Variants in STK3 observed in about 807,000 individuals in gnomAD.
STK3 encodes serine/threonine kinase 3, also known as serine/threonine-protein kinase 3.
Under a neutral mutation model 58.0 loss-of-function variants are expected in STK3, and 41 were observed. The ratio of observed to expected loss-of-function variants is 0.71; its 90% CI spans 0.55 to 0.92. STK3 has a LOEUF of 0.92. Among genes scored for constraint, STK3 ranks in the 40% least tolerant of loss-of-function variants. The pLI, the probability that STK3 is intolerant of heterozygous loss-of-function variation, is 0.00. For missense variants in STK3, 479 were observed against 602.7 expected (o/e 0.79, Z 2.15); for synonymous variants, 170 against 191.0 (o/e 0.89, Z 0.91).
At chr8:98,817,110 T>G (rs962299080) in intron 1 of STK3, among the ~76,000 whole-genome samples, 2 of 152,166 alleles carry the variant, frequency 1.3e-5, no homozygotes, top group Non-Finnish European at 2.9e-5. Context: ...TAAAAACGGC[T>G]AGATATGTTT....
intron 10 of STK3, among the ~76,000 whole-genome samples, chr8:98,472,645 A>T (rs1821010148): frequency 6.6e-6 from 1 of 152,164 alleles, no homozygotes; most frequent in Admixed American, 6.5e-5. Flanking sequence ...TAAATAACAC[A>T]ATTCTCTCAA....
intron 1 of STK3, among the ~76,000 whole-genome samples, chr8:98,788,163 C>T (rs186987160): frequency 1.5e-4 from 23 of 152,158 alleles, no homozygotes; most frequent in Non-Finnish European, 7.4e-5. Context: ...CAGAACTGGC[C>T]GGGCATGGTG....
intron 6 of STK3, among the ~76,000 whole-genome samples, chr8:98,665,853 G>A (rs1226875490): frequency 1.3e-5 from 2 of 152,028 alleles, no homozygotes; most frequent in Middle Eastern, 3.4e-3. Flanking sequence ...ACATGTGCCC[G>A]CCACCACGCC....
chr8:98,915,459 TATATATATATAG>T (rs1435164922), intron 1 of STK3, among the ~76,000 whole-genome samples: 1 of 134,256 alleles, frequency 7.4e-6, no homozygotes, highest in Non-Finnish European at 1.6e-5. Context: ...TATATATATA[TATATATATATAG>T]TTCTGTCCTC....
chr8:98,550,941 C>T (rs1392168012), intron 8 of STK3, among the ~76,000 whole-genome samples: 1 of 152,178 alleles, frequency 6.6e-6, no homozygotes, highest in African/African-American at 2.4e-5. Context: ...CTCCCAGTTC[C>T]TGCCTTCATT....
chr8:98,801,627 G>A (rs564829092), intron 1 of STK3, among the ~76,000 whole-genome samples: 24 of 151,988 alleles, frequency 1.6e-4, no homozygotes, highest in Non-Finnish European at 2.4e-4. Flanking sequence ...GCAAGACCAC[G>A]AACCCACCAG....
chr8:98,683,516 C>A (rs749917094), intron 6 of STK3, among the ~76,000 whole-genome samples: 8 of 151,958 alleles, frequency 5.3e-5, no homozygotes, highest in Non-Finnish European at 1.2e-4. Context: ...TTTAGACACA[C>A]AAAGATGAAA....
chr8:98,469,801 T>C (rs1820780103), intron 10 of STK3, among the ~76,000 whole-genome samples: 1 of 152,198 alleles, frequency 6.6e-6, no homozygotes, highest in Non-Finnish European at 1.5e-5. Flanking sequence ...ATGAAAGACA[T>C]ATTGTTGGTT....
chr8:98,597,697 G>A (rs901171796), intron 6 of STK3: 1 of 985,128 alleles, frequency 1.0e-6, no homozygotes, highest in Admixed American at 6.2e-5. Context: ...GCTCTATCTA[G>A]CCTGGCTCAA....
At chr8:98,627,216 T>C (rs1442466756) in intron 6 of STK3, among the ~76,000 whole-genome samples, 5 of 151,996 alleles carry the variant, frequency 3.3e-5, no homozygotes, top group Admixed American at 3.3e-4. Context: ...CCGTCTCTAC[T>C]AAAAATATAA....
At chr8:98,633,987 CAAAT>C in intron 6 of STK3, 1 of 175,464 alleles carries the variant, frequency 5.7e-6, no homozygotes, top group East Asian at 1.6e-4. Context: ...ATCTCGATTC[CAAAT>C]AAATTAGTTG....
chr8:98,780,981 T>C (rs143218005), intron 1 of STK3, among the ~76,000 whole-genome samples: 2 of 152,344 alleles, frequency 1.3e-5, no homozygotes, highest in East Asian at 3.9e-4. Context: ...AAAGTTTAAG[T>C]ATCCATTGTA....
chr8:98,733,370 C>T (rs1828348722), intron 4 of STK3, among the ~76,000 whole-genome samples: 1 of 152,204 alleles, frequency 6.6e-6, no homozygotes, highest in Admixed American at 6.5e-5. Flanking sequence ...GCAAGCATTA[C>T]TGCCTGAGCT....
chr8:98,858,305 T>TAC (rs1292357859), intron 3 of STK3, among the ~76,000 whole-genome samples: 2 of 66,484 alleles, frequency 3.0e-5, no homozygotes, highest in Non-Finnish European at 5.8e-5. Flanking sequence ...TATATATATA[T>TAC]ATATATATAT....
At chr8:98,614,274 G>T (rs1306638946) in intron 6 of STK3, among the ~76,000 whole-genome samples, 3 of 152,120 alleles carry the variant, frequency 2.0e-5, no homozygotes, top group Non-Finnish European at 4.4e-5. Context: ...AACATATACT[G>T]AGGCATAAAA....
chr8:98,802,226 A>G (rs1833602705), intron 1 of STK3, among the ~76,000 whole-genome samples: 1 of 152,170 alleles, frequency 6.6e-6, no homozygotes, highest in African/African-American at 2.4e-5. Flanking sequence ...CTAGCTCTCA[A>G]TACAAAGTTT....
At chr8:98,614,314 CAGAGT>C (rs373434285) in intron 6 of STK3, among the ~76,000 whole-genome samples, 18 of 152,064 alleles carry the variant, frequency 1.2e-4, no homozygotes, top group Admixed American at 2.6e-4. Context: ...AAGAACTGAA[CAGAGT>C]AGAGTCTCCA....
At chr8:98,620,638 A>C (rs1258501469) in intron 6 of STK3, among the ~76,000 whole-genome samples, 1 of 151,616 alleles carries the variant, frequency 6.6e-6, no homozygotes, top group East Asian at 1.9e-4. Flanking sequence ...GAGCCTAGAC[A>C]AAGAAGAACA....
chr8:98,613,223 A>C (rs1270650800), intron 6 of STK3, among the ~76,000 whole-genome samples: 1 of 152,206 alleles, frequency 6.6e-6, no homozygotes, highest in Non-Finnish European at 1.5e-5. Flanking sequence ...CCCCTCTTAA[A>C]GTAATGTCAT....
Sources: allele counts gnomAD v4.1 joint callset (sites outside exome capture counted in the v4.1 genomes callset), GRCh38; gene constraint gnomAD v4.1.1; transcripts MANE v1.5; gene names NCBI Gene and HGNC (gene_info 2026-07-23, HGNC 2026-07-21).